Variants in SNX27 observed in about 807,000 individuals in gnomAD.
SNX27 encodes sorting nexin 27.
In SNX27, 22 loss-of-function variants were observed where a neutral mutation model predicts 71.6. That is an observed-to-expected ratio of 0.31 (90% CI 0.22 to 0.44). SNX27 has a LOEUF of 0.44. SNX27 is among the 20% of genes least tolerant of loss of function. SNX27 has a pLI of 1.00. For synonymous variants in SNX27, 269 were observed against 277.2 expected, an observed-to-expected ratio of 0.97 and a Z score of 0.29; for missense variants, 531 against 698.6, an observed-to-expected ratio of 0.76 and a Z score of 2.70.
intron 2 of SNX27, among the ~76,000 whole-genome samples, chr1:151,655,977 A>C (rs1442982296): frequency 6.6e-6 from 1 of 152,196 alleles, no homozygotes; most frequent in Non-Finnish European, 1.5e-5. Context: ...TAATCCCAGC[A>C]CTTTGGGAGG....
intron 2 of SNX27, among the ~76,000 whole-genome samples, chr1:151,647,993 A>AG (rs1429964203): frequency 7.1e-6 from 1 of 140,602 alleles, no homozygotes; most frequent in African/African-American, 2.9e-5. Context: ...TTAAGAAGTT[A>AG]AAAAAAAAAA....
At chr1:151,624,657 C>T (rs1442024105) in intron 1 of SNX27, among the ~76,000 whole-genome samples, 2 of 151,376 alleles carry the variant, frequency 1.3e-5, no homozygotes, top group Non-Finnish European at 2.9e-5. Context: ...GTCTCGAACT[C>T]CTGACCTCAG....
At chr1:151,613,625 C>T (rs1267806110) in intron 1 of SNX27, among the ~76,000 whole-genome samples, 3 of 151,818 alleles carry the variant, frequency 2.0e-5, no homozygotes, top group African/African-American at 7.3e-5. Flanking sequence ...CTGCTGCAGT[C>T]CCTCCCCCTT....
intron 1 of SNX27, among the ~76,000 whole-genome samples, chr1:151,637,607 G>C (rs1160282250): frequency 6.6e-6 from 1 of 152,090 alleles, no homozygotes; most frequent in Non-Finnish European, 1.5e-5. Flanking sequence ...TTGTATATAA[G>C]TTAGACTTGT....
chr1:151,692,359 T>G (rs1298986837), intron 8 of SNX27, 76 bp from the exon 9 acceptor site: 2 of 1,436,982 alleles, frequency 1.4e-6, no homozygotes, highest in East Asian at 5.0e-5. Flanking sequence ...TCAATAGCTC[T>G]TTATTGTGTT....
intron 7 of SNX27, among the ~76,000 whole-genome samples, chr1:151,669,908 T>C (rs553033102): frequency 3.5e-4 from 54 of 152,190 alleles, no homozygotes; most frequent in Non-Finnish European, 6.2e-4. Context: ...TTATACTCTT[T>C]TAGTAATTTA....
At position 151,615,675 on chromosome 1, in the gene SNX27, C is replaced by T. The variant is rs191702391; in HGVS notation, c.311+3163C>T. The T allele has an allele frequency of 9.2e-6, 9 of 982,804 alleles. No homozygotes were observed. The East Asian group carries it at 4.5e-4, about 50-fold the overall frequency. The allele number at this position is 982,804 out of a possible 1,614,324, so 60.9% of individuals were successfully genotyped here. A position where few individuals can be genotyped will look rare whatever the true frequency, so the allele number is the denominator to read the frequency against. Reference sequence around the variant, plus strand: ...TGTGTGGATATAGTTTGTATCAAGTCATAGGTGAATGTATGGACCTTGATA... The same window carrying T: ...TGTGTGGATATAGTTTGTATCAAGTTATAGGTGAATGTATGGACCTTGATA... On this transcript the variant is annotated intron_variant, in intron 1 of 11. Transcript: ENST00000458013.
rs752951557 is a variant in SNX27, at chr1:151,676,270, ATTTTTTTTTTTTTTTTTTTTTTTTTTTTT to A, written c.1150-7061_1150-7033del. On this transcript the variant is annotated intron_variant, in intron 7 of 11. Coordinates refer to ENST00000458013, the MANE Select transcript of SNX27 (RefSeq NM_001330723.2). ...TTTTGTTTTTATCTTAGTGCTATTA[ATTTTTTTTTTTTTTTTTTTTTTTTTTTTT>A]TTTTTTTTTTTTTTTTTTTTTTTTG... is the stretch of plus-strand genomic sequence containing the variant. 336 of 56,466 alleles carry A rather than the reference ATTTTTTTTTTTTTTTTTTTTTTTTTTTTT, an allele frequency of 6.0e-3. 1 individual carries two copies. Among genetic ancestry groups the A allele is most frequent in the African/African-American group, 0.023 (291 of 12,852 alleles). 3.5% of individuals were successfully genotyped at this position (56,466 alleles called of 1,614,324 possible).
chr1:151,683,839 G>A (rs1312802275), intron 8 of SNX27, among the ~76,000 whole-genome samples: 1 of 152,084 alleles, frequency 6.6e-6, no homozygotes, highest in African/African-American at 2.4e-5. Flanking sequence ...GCTAATTTTT[G>A]TATTTGTAGT....
Position 151,612,455 on chromosome 1 carries a change from T to A in SNX27, c.254T>A (p.Leu85Gln). 7.0e-7 allele frequency: 1 copy of A among 1,430,602 alleles called. No homozygotes were observed. Among genetic ancestry groups the A allele is most frequent in the Non-Finnish European group, 9.1e-7 (1 of 1,093,108 alleles). 88.6% of individuals were successfully genotyped at this position (1,430,602 alleles called of 1,614,324 possible). A position where few individuals can be genotyped will look rare whatever the true frequency, so the allele number is the denominator to read the frequency against. ...CCGCTGCAGCATGTGAGCGCCGTGC[T>A]GCCCGGGGGGGCGGCCGATCGGGCC... ...YAPLQHVSAV[L>Q]PGGAADRAGV... The change falls in exon 1 of 12, where the codon CTG (leucine) becomes CAG (glutamine). Residue 85 changes from leucine (L) to glutamine (Q), a missense_variant. Leu to Gln is a moderately radical substitution (Grantham distance 113). Around this residue, in one of 5 missense-constraint regions of SNX27, gnomAD observed 130 missense variants for 143.5 expected, o/e 0.91. Transcript: ENST00000458013. This position sits in a 1 kb window ranked among gnomAD's most constrained non-coding sequence, Gnocchi z 5.2.
chr1:151,655,015 A>G (rs909545901), intron 2 of SNX27, among the ~76,000 whole-genome samples: 1 of 151,822 alleles, frequency 6.6e-6, no homozygotes, highest in South Asian at 2.1e-4. Context: ...ATGCTTTTTT[A>G]TATGTCTAGT....
chr1:151,688,830 C>T (rs976388516), intron 8 of SNX27, among the ~76,000 whole-genome samples: 19 of 152,038 alleles, frequency 1.2e-4, no homozygotes, highest in East Asian at 9.7e-4. Context: ...CTGATCCTCT[C>T]CTGTAAAGTT....
At chr1:151,671,269 G>T (rs1324139681) in intron 7 of SNX27, among the ~76,000 whole-genome samples, 1 of 146,502 alleles carries the variant, frequency 6.8e-6, no homozygotes. Context: ...ACAGGGTCTC[G>T]CTTTGTCACC....
intron 7 of SNX27, among the ~76,000 whole-genome samples, chr1:151,681,197 G>A (rs1021209458): frequency 6.8e-6 from 1 of 146,988 alleles, no homozygotes; most frequent in South Asian, 2.1e-4. Flanking sequence ...GTACACATTG[G>A]TAGGTGACAG....
In SNX27 at chr1:151,612,172, G is replaced by A; in HGVS notation, c.-30G>A. The A allele has an allele frequency of 7.5e-7, 1 of 1,324,680 alleles. No homozygotes were observed. Among genetic ancestry groups the A allele is most frequent in the Non-Finnish European group, 9.7e-7 (1 of 1,035,850 alleles). The allele number at this position is 1,324,680 out of a possible 1,614,324, so 82.1% of individuals were successfully genotyped here. ...CGCCGGGAGGCCTTGGAGGCGTAGG[G>A]GGCGGGGGTACGGCTCGCCTGCTCG... On this transcript the variant is annotated 5_prime_UTR_variant, in exon 1 of 12. Transcript: ENST00000458013. The surrounding 1 kb of genome is among the most constrained non-coding windows in gnomAD (Gnocchi z 5.2).
At chr1:151,689,108 A>T (rs72692752) in intron 8 of SNX27, among the ~76,000 whole-genome samples, 1 of 152,162 alleles carries the variant, frequency 6.6e-6, no homozygotes. Flanking sequence ...CTTTTGATTC[A>T]GAGGGGACGG....
At chr1:151,623,151 ATT>A (rs1264984335) in intron 1 of SNX27, among the ~76,000 whole-genome samples, 23 of 133,600 alleles carry the variant, frequency 1.7e-4, no homozygotes, top group South Asian at 2.3e-4. Context: ...ATATATATAT[ATT>A]TTTTTTTTGA....
chr1:151,677,085 A>G (rs1193501598), intron 7 of SNX27: 1 of 151,952 alleles, frequency 6.6e-6, no homozygotes, highest in Admixed American at 6.6e-5. Context: ...TTCCTTTTTT[A>G]AAAGTCTTGA....
At chr1:151,675,845 T>A (rs12749710) in intron 7 of SNX27, 11 of 115,164 alleles carry the variant, frequency 9.6e-5, no homozygotes, top group East Asian at 3.2e-4. Flanking sequence ...TTTTTTTTTT[T>A]ATATAGGCTC....
Sources: gnomAD v4.1 joint callset for allele counts (sites outside exome capture counted in the v4.1 genomes callset) on GRCh38, gnomAD v4.1.1 for gene constraint, gnomAD v4.1.1 regional missense constraint, Gnocchi (gnomAD v3.1) non-coding constraint, MANE v1.5 for transcripts, NCBI Gene and HGNC (gene_info 2026-07-23, HGNC 2026-07-21) for gene names.